The following BEND5 variants were observed in gnomAD, a reference collection of about 807,000 sequenced individuals.
The protein encoded by BEND5 is BEN domain-containing protein 5.
Under a neutral mutation model 43.9 loss-of-function variants are expected in BEND5, and 22 were observed. The observed-to-expected ratio is 0.50, with a 90% CI of 0.36 to 0.72. The LOEUF is 0.72. BEND5 is among the 30% of genes least tolerant of loss of function. The pLI, the probability that BEND5 is intolerant of heterozygous loss-of-function variation, is 0.00. For missense variants in BEND5, 428 were observed against 550.6 expected (o/e 0.78, Z 2.23); for synonymous variants, 228 against 225.9 (o/e 1.01, Z -0.08).
chr1:48,772,364 G>A (rs1009359907), intron 1 of BEND5, among the ~76,000 whole-genome samples: 3 of 152,182 alleles, frequency 2.0e-5, no homozygotes, highest in Admixed American at 6.5e-5. Flanking sequence ...GGTGGAGGGG[G>A]GCTGGACCAC....
chr1:48,759,340 T>C (rs1644131084), intron 2 of BEND5, 56 bp from the exon 3 acceptor site: 1 of 1,521,296 alleles, frequency 6.6e-7, no homozygotes, highest in East Asian at 2.5e-5. Flanking sequence ...TTTCTTGGAC[T>C]GCAGATCAAT....
Position 48,749,060 on chromosome 1 carries a change from C to T in BEND5, c.746-6289G>A, listed in dbSNP as rs369027793. ...CCCCTTTCCAAGGGGGAGAAGCCCA[C>T]CCAGGAAGAAAGAGGTGAAAAAAGC... is the stretch of plus-strand genomic sequence containing the variant. On this transcript the variant is annotated intron_variant, in intron 3 of 5. Transcript: ENST00000371833. 4.6e-5 allele frequency among the ~76,000 whole-genome samples: 7 copies of T among 152,034 alleles called. 1 individual carries two copies. The highest frequency in any genetic ancestry group is 1.7e-4 in the African/African-American group (7 of 41,456).
chr1:48,734,171 G>A (rs1010102113), intron 5 of BEND5, among the ~76,000 whole-genome samples: 12 of 152,116 alleles, frequency 7.9e-5, no homozygotes, highest in African/African-American at 2.4e-4. Context: ...AAAAATAAGC[G>A]GCTGCCTAAA....
rs1286787171 is a variant in BEND5, at chr1:48,776,879, C to T, written c.-48G>A. 9.2e-6 allele frequency: 8 copies of T among 870,760 alleles called. No individual in the cohort carries two copies. The highest frequency in any genetic ancestry group is 1.2e-5 in the Non-Finnish European group (8 of 671,492). The allele number at this position is 870,760 out of a possible 1,614,324, so 53.9% of individuals were successfully genotyped here. A position where few individuals can be genotyped will look rare whatever the true frequency, so the allele number is the denominator to read the frequency against. On this transcript the variant is annotated 5_prime_UTR_variant, in exon 1 of 6. Coordinates refer to ENST00000371833, the MANE Select transcript of BEND5 (RefSeq NM_024603.4). ...CGGTCGGGCAGCTCAGCCCGCGGGG[C>T]GGGCGCGGAGGTGGGGATCCGGCGG...
intron 3 of BEND5, 33 bp from the exon 4 acceptor site, chr1:48,742,804 C>T (rs1650124000): frequency 2.7e-6 from 4 of 1,484,788 alleles, no homozygotes; most frequent in Non-Finnish European, 3.6e-6. Flanking sequence ...CTGTCTAGAA[C>T]TCCAAGGAAA....
At chr1:48,753,235 G>A (rs116010275) in intron 3 of BEND5, among the ~76,000 whole-genome samples, 30 of 152,318 alleles carry the variant, frequency 2.0e-4, no homozygotes, top group African/African-American at 6.7e-4. Flanking sequence ...TCACTGAGCT[G>A]GTTCTCCTGT....
At position 48,727,782 on chromosome 1, in the gene BEND5, A is replaced by G; in HGVS notation, c.*104T>C. The G allele has an allele frequency of 8.8e-7, 1 of 1,139,824 alleles. No homozygotes were observed. Among genetic ancestry groups the G allele is most frequent in the Non-Finnish European group, 1.3e-6 (1 of 787,310 alleles). 70.6% of individuals were successfully genotyped at this position (1,139,824 alleles called of 1,614,324 possible). A position where few individuals can be genotyped will look rare whatever the true frequency, so the allele number is the denominator to read the frequency against. On this transcript the variant is annotated 3_prime_UTR_variant, in exon 6 of 6. Coordinates refer to ENST00000371833, the MANE Select transcript of BEND5 (RefSeq NM_024603.4). ...ACCCCAGAACCCGATGGATCCCTGCACACACACCACCATGCACGGTGGGGT... is the reference window on the plus strand; with the variant it reads ...ACCCCAGAACCCGATGGATCCCTGCGCACACACCACCATGCACGGTGGGGT...
chr1:48,743,363 A>G (rs900063307), intron 3 of BEND5, among the ~76,000 whole-genome samples: 2 of 152,220 alleles, frequency 1.3e-5, no homozygotes, highest in African/African-American at 4.8e-5. Context: ...CACAAATTAC[A>G]TGCAGTTTAA....
At position 48,761,452 on chromosome 1, in the gene BEND5, T is replaced by C; in HGVS notation, c.245A>G (p.Glu82Gly). Residue 82 changes from glutamate (E) to glycine (G), a missense_variant, in exon 2 of 6, where the codon GAA becomes GGA. Physicochemically the swap from Glu to Gly is moderately conservative, Grantham distance 98. This residue lies in a region of BEND5 where 243 missense variants were observed against 286.4 expected (regional missense o/e 0.85). Transcript: ENST00000371833. ...TATTTTCTTCTGCATCACACTGTTT[T>C]CAAGGTCAGATTTGTCTTCTAAAAT... ...LALAEDKSDL[E>G]NSVMQKKIKI... 6.4e-7 allele frequency: 1 copy of C among 1,551,154 alleles called. No homozygotes were observed. Among genetic ancestry groups the C allele is most frequent in the Non-Finnish European group, 8.7e-7 (1 of 1,146,930 alleles).
intron 1 of BEND5, among the ~76,000 whole-genome samples, chr1:48,776,084 C>T (rs1459513897): frequency 6.6e-6 from 1 of 152,156 alleles, no homozygotes; most frequent in Non-Finnish European, 1.5e-5. Context: ...TCATAGCTTC[C>T]CTCTGTGAGG....
chr1:48,766,403 A>G (rs1316396), intron 1 of BEND5, among the ~76,000 whole-genome samples: 1 of 152,154 alleles, frequency 6.6e-6, no homozygotes, highest in Non-Finnish European at 1.5e-5. Flanking sequence ...AATGACAGCT[A>G]CAGTTGAGGA....
At chr1:48,758,828 C>A (rs1644093224) in intron 3 of BEND5, 72 bp downstream of exon 3, 1 of 1,362,480 alleles carries the variant, frequency 7.3e-7, no homozygotes, top group Non-Finnish European at 9.8e-7. Flanking sequence ...CTCCCCTTTC[C>A]CTTCCTGGAA....
intron 4 of BEND5, among the ~76,000 whole-genome samples, chr1:48,741,463 C>A (rs1649898289): frequency 1.3e-5 from 2 of 152,236 alleles, no homozygotes; most frequent in Non-Finnish European, 2.9e-5. Context: ...ACGTTTCAAG[C>A]CTGCTGAAGG....
At chr1:48,758,762 G>C in intron 3 of BEND5, 138 bp downstream of exon 3, 2 of 706,098 alleles carry the variant, frequency 2.8e-6, no homozygotes, top group South Asian at 5.7e-5. Context: ...CTTCCTTGAG[G>C]TAACTGGTAA....
intron 4 of BEND5, among the ~76,000 whole-genome samples, chr1:48,740,436 A>G (rs1242895252): frequency 6.6e-6 from 1 of 152,210 alleles, no homozygotes; most frequent in Non-Finnish European, 1.5e-5. Context: ...TTAAAATTTG[A>G]TGGTCTTTGC....
chr1:48,765,025 T>G (rs899228978), intron 1 of BEND5, among the ~76,000 whole-genome samples: 5 of 152,176 alleles, frequency 3.3e-5, no homozygotes, highest in Non-Finnish European at 7.3e-5. Flanking sequence ...TCCATCTAAT[T>G]AGAATGCCCT....
chr1:48,731,385 G>A (rs1648101731), intron 5 of BEND5, among the ~76,000 whole-genome samples: 3 of 152,182 alleles, frequency 2.0e-5, no homozygotes, highest in Admixed American at 2.0e-4. Flanking sequence ...ATGGCCTTGG[G>A]CAAGTTAATT....
chr1:48,745,955 CT>C (rs1650676151), intron 3 of BEND5, among the ~76,000 whole-genome samples: 1 of 152,034 alleles, frequency 6.6e-6, no homozygotes, highest in Non-Finnish European at 1.5e-5. Context: ...AAAACGGTGC[CT>C]TTTTATGTCA....
In BEND5 at chr1:48,736,245, C is replaced by T. The variant is rs549852138; in HGVS notation, c.1102G>A (p.Val368Ile). 17 of 1,613,960 alleles carry T rather than the reference C, an allele frequency of 1.1e-5. No individual in the cohort carries two copies. Among genetic ancestry groups the T allele is most frequent in the African/African-American group, 6.7e-5 (5 of 75,048 alleles). The stretch of plus-strand genomic sequence containing the variant: ...TTTCCACTCAGTGACCTACCTCTGA[C>T]GATGCTTAGTTTGTGAGGCGAGAGG... Reference protein sequence around the residue: ...PPLSPHKLSIVRECLYDRIAQ... With the variant: ...PPLSPHKLSIIRECLYDRIAQ... Residue 368 changes from valine to isoleucine, a missense_variant, in exon 5 of 6, where the codon GTC becomes ATC. Physicochemically the swap from Val to Ile is conservative, Grantham distance 29. Transcript: ENST00000371833. This position sits in a 1 kb window ranked among gnomAD's most constrained non-coding sequence, Gnocchi z 4.0.
Sources: gnomAD v4.1 joint callset for allele counts (sites outside exome capture counted in the v4.1 genomes callset) on GRCh38, gnomAD v4.1.1 for gene constraint, gnomAD v4.1.1 regional missense constraint, Gnocchi (gnomAD v3.1) non-coding constraint, MANE v1.5 for transcripts, NCBI Gene and HGNC (gene_info 2026-07-23, HGNC 2026-07-21) for gene names.